BLM: variants seen among roughly 807,000 people sequenced by gnomAD.
The protein encoded by BLM is recQ-like DNA helicase BLM.
Under a neutral mutation model 135.3 loss-of-function variants are expected in BLM, and 95 were observed. That is an observed-to-expected ratio of 0.70 (90% CI 0.59 to 0.83). The LOEUF is 0.83. Among genes scored for constraint, BLM ranks in the 40% least tolerant of loss-of-function variants. The pLI, the probability that BLM is intolerant of heterozygous loss-of-function variation, is 0.00. For missense variants in BLM, 1,518 were observed against 1,663.9 expected (o/e 0.91, Z 1.53); for synonymous variants, 520 against 589.2 (o/e 0.88, Z 1.70).
intron 1 of BLM, among the ~76,000 whole-genome samples, chr15:90,743,703 C>CT (rs1198737760): frequency 2.6e-5 from 4 of 152,078 alleles, no homozygotes; most frequent in Non-Finnish European, 5.9e-5. Context: ...GAACAATTTT[C>CT]TTTTTGTGTC....
chr15:90,808,340 A>G (rs1897326720), intron 19 of BLM, among the ~76,000 whole-genome samples: 1 of 152,238 alleles, frequency 6.6e-6, no homozygotes. Flanking sequence ...GCTCAAATAC[A>G]TAGGAATGGT....
chr15:90,737,266 T>C (rs1895243234), intron 1 of BLM, among the ~76,000 whole-genome samples: 1 of 152,064 alleles, frequency 6.6e-6, no homozygotes, highest in Non-Finnish European at 1.5e-5. Context: ...ATATGATGGT[T>C]TTTTCTATGA....
chr15:90,798,640 A>G lies in BLM; in HGVS notation c.3358+303A>G, dbSNP rs540888279. ...GAAATAAAATGAGGATTAGACCCAT[A>G]ACAGCATAGAGAATAGGAGAGAGAC... On this transcript the variant is annotated intron_variant, in intron 17 of 21. Transcript: ENST00000355112. Among the ~76,000 whole-genome samples, 462 of 152,310 alleles carry G rather than the reference A, an allele frequency of 3.0e-3. 2 individuals are homozygous for G. Among genetic ancestry groups the G allele is most frequent in the African/African-American group, 0.011 (448 of 41,564 alleles).
At chr15:90,720,881 G>A (rs1894747113) in intron 1 of BLM, among the ~76,000 whole-genome samples, 1 of 152,054 alleles carries the variant, frequency 6.6e-6, no homozygotes, top group Admixed American at 6.6e-5. Context: ...ACCGCACCTG[G>A]CCTGCTTTTT....
chr15:90,783,072 C>T (rs1596250611), intron 13 of BLM, 144 bp downstream of exon 13: 1 of 662,046 alleles, frequency 1.5e-6, no homozygotes, highest in Non-Finnish European at 2.7e-6. Context: ...ACTATTGCAA[C>T]TCTCTCAATT....
rs570337182 is a variant in BLM, at chr15:90,790,437, T to C, written c.2824-212T>C. 5.2e-6 allele frequency: 3 copies of C among 580,426 alleles called. No homozygotes were observed. The East Asian group carries it at 8.8e-5, about 17-fold the overall frequency. The allele number at this position is 580,426 out of a possible 1,614,324, so 36.0% of individuals were successfully genotyped here. On this transcript the variant is annotated intron_variant, in intron 14 of 21. Coordinates refer to ENST00000355112, the MANE Select transcript of BLM (RefSeq NM_000057.4). The stretch of plus-strand genomic sequence containing the variant: ...GTGCCTGCCATGCTGAGCTTCTCTT[T>C]ACCTTCTTGGGTTTTAATGGCATTG...
At chr15:90,722,326 G>T (rs535947525) in intron 1 of BLM, among the ~76,000 whole-genome samples, 11 of 152,034 alleles carry the variant, frequency 7.2e-5, no homozygotes, top group Admixed American at 2.6e-4. Context: ...AGCCAGGATG[G>T]TCTCGATCTC....
intron 1 of BLM, among the ~76,000 whole-genome samples, chr15:90,741,163 A>G (rs1256249558): frequency 6.6e-6 from 1 of 152,200 alleles, no homozygotes; most frequent in Non-Finnish European, 1.5e-5. Context: ...GATATAATTC[A>G]TATACCATGA....
intron 20 of BLM, 31 bp from the exon 21 acceptor site, chr15:90,811,174 A>G (rs780147874): frequency 1.2e-6 from 2 of 1,609,966 alleles, no homozygotes; most frequent in South Asian, 1.1e-5. Context: ...GTGCGACATC[A>G]CCTGTAAACA....
intron 20 of BLM, 107 bp downstream of exon 20, chr15:90,809,366 A>C (rs1422482921): frequency 6.4e-7 from 1 of 1,562,340 alleles, no homozygotes; most frequent in African/African-American, 1.4e-5. Context: ...ACACCTCGTC[A>C]CACTGACATC....
intron 1 of BLM, among the ~76,000 whole-genome samples, chr15:90,724,131 G>C (rs547650585): frequency 6.6e-6 from 1 of 152,126 alleles, no homozygotes; most frequent in Non-Finnish European, 1.5e-5. Context: ...TTCTGCCTCA[G>C]CCTCCCGAGA....
Position 90,803,524 on chromosome 15 carries a change from G to A in BLM, c.3362G>A (p.Ser1121Asn), listed in dbSNP as rs758753168. 4 of 1,612,290 alleles carry A rather than the reference G, an allele frequency of 2.5e-6. No individual in the cohort carries two copies. Among genetic ancestry groups the A allele is most frequent in the East Asian group, 2.2e-5 (1 of 44,850 alleles). The change falls in exon 18 of 22, where the codon AGT becomes AAT. Residue 1121 changes from serine (S) to asparagine (N), a missense_variant. This residue lies in a region of BLM where 626 missense variants were observed against 681.1 expected (regional missense o/e 0.92). Coordinates refer to ENST00000355112, the MANE Select transcript of BLM (RefSeq NM_000057.4). ...MNMLVDIFLGSKSAKIQSGIF... is the reference protein window; with the variant it reads ...MNMLVDIFLGNKSAKIQSGIF... ...ACTTCCTGTATCTTCTTATCAGGGA[G>A]TAAGAGTGCAAAAATCCAGTCAGGT...
At chr15:90,756,696 G>A (rs1201376921) in intron 5 of BLM, among the ~76,000 whole-genome samples, 1 of 152,184 alleles carries the variant, frequency 6.6e-6, no homozygotes, top group Non-Finnish European at 1.5e-5. Flanking sequence ...TTCTTGTTCA[G>A]CTAGTTACAT....
intron 14 of BLM, among the ~76,000 whole-genome samples, chr15:90,788,476 T>TTTTTTTTTTTTTTTTTTTG (rs1896812022): frequency 1.7e-5 from 2 of 120,920 alleles, no homozygotes; most frequent in African/African-American, 6.2e-5. Context: ...GTTTTGTTTT[T>TTTTTTTTTTTTTTTTTTTG]TTTTTTTTTT....
intron 10 of BLM, 112 bp from the exon 11 acceptor site, chr15:90,769,021 C>A: frequency 2.1e-6 from 2 of 970,032 alleles, no homozygotes; most frequent in East Asian, 2.4e-5. Flanking sequence ...CCACCGCACC[C>A]GGCCTTATAG....
intron 14 of BLM, among the ~76,000 whole-genome samples, chr15:90,787,110 C>T (rs1329042732): frequency 4.9e-5 from 6 of 122,186 alleles, no homozygotes; most frequent in African/African-American, 9.7e-5. Flanking sequence ...AGTGCAGTGG[C>T]GCGATCTCAG....
rs942808732 is a variant in BLM, at chr15:90,790,857, C to G, written c.3019+13C>G. ...AGACTTATAATGAGTAAGCTGGGCT[C>G]CATTGTAGAGACATTCTGTCATCTT... On this transcript the variant is annotated intron_variant, in intron 15 of 21. Coordinates refer to ENST00000355112, the MANE Select transcript of BLM (RefSeq NM_000057.4). The G allele has an allele frequency of 6.2e-7, 1 of 1,607,560 alleles. No homozygotes were observed. Among genetic ancestry groups the G allele is most frequent in the Non-Finnish European group, 8.5e-7 (1 of 1,174,368 alleles).
intron 14 of BLM, among the ~76,000 whole-genome samples, chr15:90,787,216 ATT>A (rs113898256): frequency 6.7e-6 from 1 of 149,830 alleles, no homozygotes; most frequent in Non-Finnish European, 1.5e-5. Flanking sequence ...CGCCCGGCTA[ATT>A]TTTTTTTGTA....
rs1178783782 is a variant in BLM, at chr15:90,760,196, C to G, written c.1137C>G (p.Ile379Met). ...QQQLIHVMEH[I>M]CKLIDTIPDD... The stretch of plus-strand genomic sequence containing the variant: ...AGCTTATTCATGTGATGGAGCACAT[C>G]TGTAAATTAATTGATACTATTCCTG... The change falls in exon 6 of 22, where the codon ATC (isoleucine) becomes ATG (methionine). Residue 379 changes from isoleucine (I) to methionine (M), a missense_variant. Ile to Met is a conservative substitution (Grantham distance 10). This residue lies in a region of BLM where 724 missense variants were observed against 756.9 expected (regional missense o/e 0.96). Transcript: ENST00000355112. 1.2e-6 allele frequency: 2 copies of G among 1,613,020 alleles called. No homozygotes were observed. Among genetic ancestry groups the G allele is most frequent in the Non-Finnish European group, 1.7e-6 (2 of 1,179,244 alleles).
Sources: gnomAD v4.1 joint callset for allele counts (sites outside exome capture counted in the v4.1 genomes callset) on GRCh38, gnomAD v4.1.1 for gene constraint, gnomAD v4.1.1 regional missense constraint, MANE v1.5 for transcripts, NCBI Gene and HGNC (gene_info 2026-07-23, HGNC 2026-07-21) for gene names.